The following CDKAL1 variants were observed in gnomAD, a reference collection of about 807,000 sequenced individuals.
The protein encoded by CDKAL1 is CDKAL1 threonylcarbamoyladenosine tRNA methylthiotransferase.
A neutral mutation model predicts 68.2 loss-of-function variants in CDKAL1; 32 were observed. The ratio of observed to expected loss-of-function variants is 0.47; its 90% CI spans 0.35 to 0.63. The LOEUF (loss-of-function observed/expected upper bound fraction) is 0.63. CDKAL1 is among the 30% of genes least tolerant of loss of function. CDKAL1 has a pLI of 0.00. For missense variants in CDKAL1, 606 were observed against 696.7 expected (o/e 0.87, Z 1.47); for synonymous variants, 234 against 244.3 (o/e 0.96, Z 0.39).
intron 4 of CDKAL1, among the ~76,000 whole-genome samples, chr6:20,635,941 A>G (rs1420786301): frequency 6.6e-6 from 1 of 152,200 alleles, no homozygotes; most frequent in Non-Finnish European, 1.5e-5. Flanking sequence ...GAAATATGGT[A>G]GGGTAAAAGA....
chr6:20,918,224 C>A (rs1226912871), intron 9 of CDKAL1, among the ~76,000 whole-genome samples: 6 of 152,200 alleles, frequency 3.9e-5, no homozygotes, highest in African/African-American at 1.4e-4. Flanking sequence ...ACCAAATCTG[C>A]TGGCACATTG....
chr6:20,844,313 T>C (rs1181203183), intron 8 of CDKAL1, among the ~76,000 whole-genome samples: 1 of 152,176 alleles, frequency 6.6e-6, no homozygotes. Flanking sequence ...TCATGTCAGA[T>C]GATTTGCAGG....
intron 15 of CDKAL1, among the ~76,000 whole-genome samples, chr6:21,207,514 C>G (rs1478294956): frequency 1.3e-5 from 2 of 151,534 alleles, no homozygotes; most frequent in East Asian, 3.9e-4. Context: ...AACCTTATCT[C>G]AAGCAAAAAA....
At chr6:20,684,709 A>G (rs982635731) in intron 5 of CDKAL1, among the ~76,000 whole-genome samples, 6 of 149,656 alleles carry the variant, frequency 4.0e-5, no homozygotes, top group African/African-American at 1.5e-4. Context: ...GGATTTGGCC[A>G]TTGTAAGAGG....
intron 11 of CDKAL1, among the ~76,000 whole-genome samples, chr6:21,029,719 A>T (rs1227841207): frequency 2.0e-5 from 3 of 152,224 alleles, no homozygotes; most frequent in Non-Finnish European, 4.4e-5. Context: ...CAGCAAACAC[A>T]TGAAAAAAAG....
At chr6:20,541,383 T>A (rs563269290) in intron 2 of CDKAL1, among the ~76,000 whole-genome samples, 3 of 152,268 alleles carry the variant, frequency 2.0e-5, no homozygotes, top group African/African-American at 7.2e-5. Context: ...TCTTTCTAGA[T>A]CTTATTAGGC....
chr6:21,055,991 G>C (rs1053795128), intron 11 of CDKAL1, among the ~76,000 whole-genome samples: 3 of 152,144 alleles, frequency 2.0e-5, no homozygotes, highest in African/African-American at 7.2e-5. Context: ...CCCACCAACA[G>C]TGTAAAAGCA....
At chr6:20,885,782 C>T (rs1000004245) in intron 9 of CDKAL1, among the ~76,000 whole-genome samples, 15 of 152,046 alleles carry the variant, frequency 9.9e-5, no homozygotes, top group African/African-American at 3.1e-4. Context: ...TTCTAGAATA[C>T]GTAAAGAACT....
intron 4 of CDKAL1, among the ~76,000 whole-genome samples, chr6:20,591,300 G>T (rs1765582100): frequency 6.6e-6 from 1 of 152,044 alleles, no homozygotes; most frequent in African/African-American, 2.4e-5. Flanking sequence ...CCATTCTGTA[G>T]GTTGCCTGTT....
chr6:20,844,696 A>AAG (rs1366127018), intron 8 of CDKAL1, among the ~76,000 whole-genome samples: 2 of 95,972 alleles, frequency 2.1e-5, no homozygotes, highest in African/African-American at 5.8e-5. Flanking sequence ...TTAAAAAAAA[A>AAG]AAGAAACAGA....
intron 15 of CDKAL1, among the ~76,000 whole-genome samples, chr6:21,213,101 ACGCACATCAGGT>A (rs1779219136): frequency 6.8e-6 from 1 of 148,056 alleles, no homozygotes. Context: ...AGTAGCCCTT[ACGCACATCAGGT>A]CAGACCGTGG....
chr6:20,945,985 G>A (rs933293749), intron 9 of CDKAL1, among the ~76,000 whole-genome samples: 5 of 152,084 alleles, frequency 3.3e-5, no homozygotes, highest in African/African-American at 1.2e-4. Flanking sequence ...AGTGATTTGA[G>A]AATTTTGAAA....
At chr6:20,675,962 A>ACCCTGTCT (rs1258626438) in intron 5 of CDKAL1, among the ~76,000 whole-genome samples, 33 of 152,212 alleles carry the variant, frequency 2.2e-4, no homozygotes, top group African/African-American at 7.7e-4. Context: ...GATGATCCTG[A>ACCCTGTCT]CCCTGTTCAG....
At chr6:21,008,160 G>C (rs1470843018) in intron 11 of CDKAL1, among the ~76,000 whole-genome samples, 1 of 152,142 alleles carries the variant, frequency 6.6e-6, no homozygotes, top group Admixed American at 6.6e-5. Flanking sequence ...TGACTGCCTG[G>C]AAAATCTAGG....
intron 5 of CDKAL1, among the ~76,000 whole-genome samples, chr6:20,701,006 A>G (rs1771328209): frequency 6.6e-6 from 1 of 151,814 alleles, no homozygotes; most frequent in Non-Finnish European, 1.5e-5. Flanking sequence ...TTAATTTAAT[A>G]TCTTGCGAAT....
At chr6:20,814,162 A>G (rs549706211) in intron 8 of CDKAL1, among the ~76,000 whole-genome samples, 82 of 152,062 alleles carry the variant, frequency 5.4e-4, no homozygotes, top group Non-Finnish European at 6.5e-4. Flanking sequence ...ACTCTTAACT[A>G]TTTCATATTT....
chr6:20,643,940 T>G (rs921095061), intron 4 of CDKAL1, among the ~76,000 whole-genome samples: 11 of 152,100 alleles, frequency 7.2e-5, no homozygotes, highest in Non-Finnish European at 1.3e-4. Flanking sequence ...ATTTCCTGTC[T>G]CAGCCTCCTG....
chr6:20,950,600 G>A (rs1764474257), intron 9 of CDKAL1, among the ~76,000 whole-genome samples: 1 of 152,118 alleles, frequency 6.6e-6, no homozygotes, highest in African/African-American at 2.4e-5. Context: ...ATACAGGCTG[G>A]AACTGGATGG....
intron 13 of CDKAL1, among the ~76,000 whole-genome samples, chr6:21,119,491 T>C (rs1284290824): frequency 3.3e-5 from 5 of 152,222 alleles, no homozygotes; most frequent in African/African-American, 7.2e-5. Context: ...GTTCTTGACA[T>C]GTGGGAGGTG....
Sources: allele counts gnomAD v4.1 joint callset (sites outside exome capture counted in the v4.1 genomes callset), GRCh38; gene constraint gnomAD v4.1.1; transcripts MANE v1.5; gene names NCBI Gene and HGNC (gene_info 2026-07-23, HGNC 2026-07-21).